Variants in SCUBE3 observed in about 807,000 individuals in gnomAD.
The protein encoded by SCUBE3 is signal peptide, CUB domain and EGF like domain containing 3.
In SCUBE3, 33 loss-of-function variants were observed where a neutral mutation model predicts 116.8. That is an observed-to-expected ratio of 0.28 (90% confidence interval 0.21 to 0.38). The LOEUF is 0.38. Among genes scored for constraint, SCUBE3 ranks in the 10% least tolerant of loss-of-function variants. SCUBE3 has a pLI of 1.00. For synonymous variants in SCUBE3, 418 were observed against 496.9 expected, an observed-to-expected ratio of 0.84 and a Z score of 2.11; for missense variants, 1,007 against 1,324.8, an observed-to-expected ratio of 0.76 and a Z score of 3.72.
Position 35,241,398 on chromosome 6 carries a change from T to A in SCUBE3, c.1195+132T>A. ...GGGTGGAGAATGTAGCCATTTTGAG[T>A]TAAAGACATGAAATTTGTAGTAAAC... On this transcript the variant is annotated intron_variant, in intron 10 of 21. Transcript: ENST00000274938. This position sits in a 1 kb window ranked among gnomAD's most constrained non-coding sequence, Gnocchi z 4.1. 2 of 1,203,970 alleles carry A rather than the reference T, an allele frequency of 1.7e-6. No individual in the cohort carries two copies. Among genetic ancestry groups the A allele is most frequent in the Non-Finnish European group, 2.4e-6 (2 of 829,208 alleles). 74.6% of individuals were successfully genotyped at this position (1,203,970 alleles called of 1,614,324 possible).
chr6:35,248,726 C>A lies in SCUBE3; in HGVS notation c.*21C>A. 1 of 1,611,490 alleles carries A rather than the reference C, an allele frequency of 6.2e-7. No individual in the cohort carries two copies. The highest frequency in any genetic ancestry group is 8.5e-7 in the Non-Finnish European group (1 of 1,178,362). On this transcript the variant is annotated 3_prime_UTR_variant, in exon 22 of 22. Transcript: ENST00000274938. ...AATAGTAACCCTAGGCTCAGAGACC[C>A]AATTTTTTAAGCCCCCAGACTCCTT...
chr6:35,242,938 C>T (rs1784138677), intron 14 of SCUBE3, 83 bp from the exon 15 acceptor site: 11 of 1,515,676 alleles, frequency 7.3e-6, no homozygotes, highest in Admixed American at 1.7e-5. Context: ...CCATGCCCCT[C>T]CTAGCTCCCA....
At position 35,235,257 on chromosome 6, in the gene SCUBE3, A is replaced by G. The variant is rs1176022973; in HGVS notation, c.712+1956A>G. On this transcript the variant is annotated intron_variant, in intron 6 of 21. Coordinates refer to ENST00000274938, the MANE Select transcript of SCUBE3 (RefSeq NM_152753.4). This position sits in a 1 kb window ranked among gnomAD's most constrained non-coding sequence, Gnocchi z 4.5. ...TTCAGTCACTTGCGGGGAGCTTGGC[A>G]TCTTTGGGGATACCACCAGACAGGA... 1.3e-5 allele frequency among the ~76,000 whole-genome samples: 2 copies of G among 151,942 alleles called. No homozygotes were observed. Among genetic ancestry groups the G allele is most frequent in the Non-Finnish European group, 2.9e-5 (2 of 67,984 alleles).
At position 35,228,845 on chromosome 6, in the gene SCUBE3, CT is replaced by C; in HGVS notation, c.334+107del. On this transcript the variant is annotated intron_variant, in intron 3 of 21. Coordinates refer to ENST00000274938, the MANE Select transcript of SCUBE3 (RefSeq NM_152753.4). The surrounding 1 kb of genome is among the most constrained non-coding windows in gnomAD (Gnocchi z 4.9). ...AGGAGGAGAGAGTGATCAAGAAGAG[CT>C]ACATTCACAAGAGAATAAGGTCAGC... is the stretch of plus-strand genomic sequence containing the variant. 4 of 1,195,756 alleles carry C rather than the reference CT, an allele frequency of 3.3e-6. No homozygotes were observed. The South Asian group carries it at 4.0e-5, about 12-fold the overall frequency. 74.1% of individuals were successfully genotyped at this position (1,195,756 alleles called of 1,614,324 possible). A position where few individuals can be genotyped will look rare whatever the true frequency, so the allele number is the denominator to read the frequency against.
Position 35,245,140 on chromosome 6 carries a change from C to T in SCUBE3, c.2402-88C>T. ...CAGACTTCCCATAAATGTCTGACCT[C>T]TACTTCAGAACTCTTCAATTCCCCC... is the stretch of plus-strand genomic sequence containing the variant. On this transcript the variant is annotated intron_variant, in intron 18 of 21. Coordinates refer to ENST00000274938, the MANE Select transcript of SCUBE3 (RefSeq NM_152753.4). The surrounding 1 kb of genome is among the most constrained non-coding windows in gnomAD (Gnocchi z 4.2). The T allele has an allele frequency of 1.7e-6, 2 of 1,209,928 alleles. No homozygotes were observed. The highest frequency in any genetic ancestry group is 2.4e-6 in the Non-Finnish European group (2 of 824,132). 74.9% of individuals were successfully genotyped at this position (1,209,928 alleles called of 1,614,324 possible).
At position 35,214,458 on chromosome 6, in the gene SCUBE3, C is replaced by T. The variant is rs1782805805; in HGVS notation, c.40C>T (p.Leu14=). ...GRVPGLCLLV[L]LVHARAAQYS... ...CGTACCCGGGCTCTGCCTGCTTGTCCTGCTGGTCCACGCCCGCGCCGCCCA... is the reference window on the plus strand; with the variant it reads ...CGTACCCGGGCTCTGCCTGCTTGTCTTGCTGGTCCACGCCCGCGCCGCCCA... The change falls in exon 1 of 22, where the codon CTG becomes TTG. Residue 14 remains leucine, a synonymous_variant. Coordinates refer to ENST00000274938, the MANE Select transcript of SCUBE3 (RefSeq NM_152753.4). This position sits in a 1 kb window ranked among gnomAD's most constrained non-coding sequence, Gnocchi z 6.3. The T allele has an allele frequency of 6.6e-7, 1 of 1,509,960 alleles. No homozygotes were observed. The highest frequency in any genetic ancestry group is 8.8e-7 in the Non-Finnish European group (1 of 1,134,444). The allele number at this position is 1,509,960 out of a possible 1,614,324, so 93.5% of individuals were successfully genotyped here. A position where few individuals can be genotyped will look rare whatever the true frequency, so the allele number is the denominator to read the frequency against.
rs771266077 is a variant in SCUBE3, at chr6:35,235,455, G to A, written c.712+2154G>A. On this transcript the variant is annotated intron_variant, in intron 6 of 21. Transcript: ENST00000274938. This position sits in a 1 kb window ranked among gnomAD's most constrained non-coding sequence, Gnocchi z 4.5. Reference sequence around the variant, plus strand: ...TTACAATGTCAAACAGGGGAAAGGCGGCTAGAGCAGCACATCCCCACTCAA... The same window carrying A: ...TTACAATGTCAAACAGGGGAAAGGCAGCTAGAGCAGCACATCCCCACTCAA... 1.5e-4 allele frequency: 189 copies of A among 1,286,170 alleles called. No individual in the cohort carries two copies. In the African/African-American group the frequency reaches 1.9e-3, roughly 13 times the overall value. 79.7% of individuals were successfully genotyped at this position (1,286,170 alleles called of 1,614,324 possible).
rs767267827 is a variant in SCUBE3 at position 35,232,898 on chromosome 6, G to A, written c.518G>A (p.Arg173Gln). Reference protein sequence around the residue: ...NKNHGCAHICRETPKGGIACE... With the variant: ...NKNHGCAHICQETPKGGIACE... ...AACCACGGCTGTGCCCACATTTGCC[G>A]GGAGACACCCAAGGGGGGTATTGCC... The change falls in exon 5 of 22, where the codon CGG becomes CAG. Residue 173 changes from arginine to glutamine, a missense_variant. Transcript: ENST00000274938. This position sits in a 1 kb window ranked among gnomAD's most constrained non-coding sequence, Gnocchi z 4.2. 11 of 1,614,026 alleles carry A rather than the reference G, an allele frequency of 6.8e-6. No homozygotes were observed. The highest frequency in any genetic ancestry group is 4.0e-5 in the African/African-American group (3 of 74,922).
rs748680302 is a variant in SCUBE3 at position 35,241,893 on chromosome 6, A to G, written c.1400A>G (p.Asn467Ser). ...ARAGHNGNSTNSNHCHEAAVL... is the reference protein window; with the variant it reads ...ARAGHNGNSTSSNHCHEAAVL... ...GCTGGCCACAATGGGAACAGCACCA[A>G]CTCCAACCACTGCCATGGTAAGCAC... The change falls in exon 12 of 22, where the codon AAC becomes AGC. Residue 467 changes from asparagine (N) to serine (S), a missense_variant. Transcript: ENST00000274938. This position sits in a 1 kb window ranked among gnomAD's most constrained non-coding sequence, Gnocchi z 4.1. 3.7e-6 allele frequency: 6 copies of G among 1,608,042 alleles called. No individual in the cohort carries two copies. The African/African-American group carries it at 8.0e-5, about 22-fold the overall frequency.
intron 1 of SCUBE3, among the ~76,000 whole-genome samples, chr6:35,225,565 G>T (rs1440647929): frequency 6.6e-6 from 1 of 152,172 alleles, no homozygotes; most frequent in Non-Finnish European, 1.5e-5. Context: ...TGTAGACAGA[G>T]GCTCCCAGCA....
chr6:35,246,078 C>T lies in SCUBE3; in HGVS notation c.2734C>T (p.Pro912Ser). Residue 912 changes from proline (P) to serine (S), a missense_variant, in exon 20 of 22, where the codon CCC becomes TCC. Transcript: ENST00000274938. Reference sequence around the variant, plus strand: ...CAACAGCGCCCGTGGCTTCCAGATTCCCTATGTTACCTATGATGGTAAGCC... The same window carrying T: ...CAACAGCGCCCGTGGCTTCCAGATTTCCTATGTTACCTATGATGGTAAGCC... ...EANSARGFQIPYVTYDEDYEQ... is the reference protein window; with the variant it reads ...EANSARGFQISYVTYDEDYEQ... 6.2e-7 allele frequency: 1 copy of T among 1,614,100 alleles called. No individual in the cohort carries two copies. Among genetic ancestry groups the T allele is most frequent in the Non-Finnish European group, 8.5e-7 (1 of 1,180,012 alleles).
intron 14 of SCUBE3, 67 bp from the exon 15 acceptor site, chr6:35,242,954 G>A (rs1306656765): frequency 4.4e-5 from 68 of 1,551,238 alleles, no homozygotes; most frequent in Non-Finnish European, 5.8e-5. Flanking sequence ...TCCCAGCTTT[G>A]CTCCCCTGCC....
chr6:35,242,454 T>C (rs1784114725), intron 13 of SCUBE3, 134 bp downstream of exon 13: 1 of 907,314 alleles, frequency 1.1e-6, no homozygotes, highest in Non-Finnish European at 1.8e-6. Context: ...GCTGTAGGCA[T>C]AGCACCCAAG....
intron 1 of SCUBE3, among the ~76,000 whole-genome samples, chr6:35,215,782 C>T (rs1170815991): frequency 6.6e-6 from 1 of 152,172 alleles, no homozygotes; most frequent in Non-Finnish European, 1.5e-5. Context: ...TGTCCTTTCA[C>T]AGAACTGAAA....
At chr6:35,242,053 C>A in intron 12 of SCUBE3, 143 bp downstream of exon 12, 1 of 837,406 alleles carries the variant, frequency 1.2e-6, no homozygotes, top group Non-Finnish European at 2.1e-6. Context: ...TCCCTCACTC[C>A]CTCTGCCCTA....
In SCUBE3 at chr6:35,240,561, CT is replaced by C; in HGVS notation, c.1069+73del. On this transcript the variant is annotated intron_variant, in intron 9 of 21. Coordinates refer to ENST00000274938, the MANE Select transcript of SCUBE3 (RefSeq NM_152753.4). The surrounding 1 kb of genome is among the most constrained non-coding windows in gnomAD (Gnocchi z 4.6). ...TCTTCACCCTCCAATTGAACAGGTC[CT>C]TGTGTTGGCTTGTGGCTATGGGCAA... The C allele has an allele frequency of 1.4e-6, 1 of 701,652 alleles. No homozygotes were observed. The highest frequency in any genetic ancestry group is 2.4e-6 in the Non-Finnish European group (1 of 411,254). 43.5% of individuals were successfully genotyped at this position (701,652 alleles called of 1,614,324 possible).
intron 1 of SCUBE3, among the ~76,000 whole-genome samples, chr6:35,224,859 T>C (rs1303653902): frequency 2.0e-5 from 3 of 152,140 alleles, no homozygotes; most frequent in Admixed American, 6.5e-5. Context: ...TCCGTGCTGC[T>C]GGACCCAGGG....
At position 35,239,625 on chromosome 6, in the gene SCUBE3, T is replaced by A; in HGVS notation, c.830-127T>A. On this transcript the variant is annotated intron_variant, in intron 7 of 21. Coordinates refer to ENST00000274938, the MANE Select transcript of SCUBE3 (RefSeq NM_152753.4). This position sits in a 1 kb window ranked among gnomAD's most constrained non-coding sequence, Gnocchi z 4.1. The stretch of plus-strand genomic sequence containing the variant: ...AGAAAGAGAAAGAGACAGAGAGAGA[T>A]CAAGAAGAGGCAGGCCCAGGACTCC... The A allele has an allele frequency of 2.6e-6, 2 of 763,712 alleles. No individual in the cohort carries two copies. Among genetic ancestry groups the A allele is most frequent in the Non-Finnish European group, 4.4e-6 (2 of 458,512 alleles). 47.3% of individuals were successfully genotyped at this position (763,712 alleles called of 1,614,324 possible). A position where few individuals can be genotyped will look rare whatever the true frequency, so the allele number is the denominator to read the frequency against.
At chr6:35,227,003 G>A (rs949843953) in intron 1 of SCUBE3, among the ~76,000 whole-genome samples, 19 of 152,274 alleles carry the variant, frequency 1.2e-4, no homozygotes, top group African/African-American at 4.3e-4. Context: ...CACAGGGGCC[G>A]AGGAAAATCA....
Sources: allele counts gnomAD v4.1 joint callset (sites outside exome capture counted in the v4.1 genomes callset), GRCh38; gene constraint gnomAD v4.1.1; non-coding constraint Gnocchi (gnomAD v3.1); transcripts MANE v1.5; gene names NCBI Gene and HGNC (gene_info 2026-07-23, HGNC 2026-07-21).